CSMD3: variants seen among roughly 807,000 people sequenced by gnomAD.
CSMD3 encodes CUB and Sushi multiple domains 3, also known as CUB and sushi domain-containing protein 3.
A neutral mutation model predicts 435.2 loss-of-function variants in CSMD3; 177 were observed. That is an observed-to-expected ratio of 0.41 (90% CI 0.36 to 0.46). The LOEUF (loss-of-function observed/expected upper bound fraction) is 0.46. CSMD3 is among the 20% of genes least tolerant of loss of function. The pLI is 0.34. For missense variants in CSMD3, 4,265 were observed against 4,504.6 expected, an observed-to-expected ratio of 0.95 and a Z score of 1.52; for synonymous variants, 1,656 against 1,520.5, an observed-to-expected ratio of 1.09 and a Z score of -2.07.
chr8:112,370,020 A>G (rs868162854), intron 38 of CSMD3, among the ~76,000 whole-genome samples: 21 of 98,912 alleles, frequency 2.1e-4, no homozygotes, highest in Admixed American at 4.5e-4. Context: ...AGGAAGAAGA[A>G]GAGGAAGAAG....
chr8:112,714,752 AACTCAGGATTATGAAAC>A (rs2076686329), intron 13 of CSMD3, among the ~76,000 whole-genome samples: 2 of 152,228 alleles, frequency 1.3e-5, no homozygotes, highest in South Asian at 4.1e-4. Flanking sequence ...ATCAAATTAG[AACTCAGGATTATGAAAC>A]ACTCAAAACC....
Position 113,289,243 on chromosome 8 carries a change from A to G in CSMD3, c.402-10539T>C, listed in dbSNP as rs564025333. On this transcript the variant is annotated intron_variant, in intron 2 of 70. Coordinates refer to ENST00000297405, the MANE Select transcript of CSMD3 (RefSeq NM_198123.2). ...ACTCTTGAGAAAGATGACAGATCTG[A>G]GAATTAGAGAATTCTTTCACACACC... Among the ~76,000 whole-genome samples the G allele has an allele frequency of 4.6e-5, 7 of 151,992 alleles. No individual in the cohort carries two copies. In the South Asian group the frequency reaches 1.5e-3, roughly 31 times the overall value.
chr8:112,463,513 C>A lies in CSMD3; in HGVS notation c.5395+9078G>T, dbSNP rs188630788. On this transcript the variant is annotated intron_variant, in intron 32 of 70. Coordinates refer to ENST00000297405, the MANE Select transcript of CSMD3 (RefSeq NM_198123.2). The stretch of plus-strand genomic sequence containing the variant: ...ACTGGCTCTGCTGTCTGCTGGCAAA[C>A]TTGCACTTAGAGCTATGCTGCTTTG... Among the ~76,000 whole-genome samples, 6 of 152,306 alleles carry A rather than the reference C, an allele frequency of 3.9e-5. No individual in the cohort carries two copies. The East Asian group carries it at 9.7e-4, about 25-fold the overall frequency.
chr8:113,080,427 G>A (rs989264184), intron 5 of CSMD3, among the ~76,000 whole-genome samples: 1 of 152,090 alleles, frequency 6.6e-6, no homozygotes, highest in African/African-American at 2.4e-5. Context: ...GCCTACCACA[G>A]ACGAAGCACT....
intron 1 of CSMD3, among the ~76,000 whole-genome samples, chr8:113,413,115 T>C (rs2094566761): frequency 6.6e-6 from 1 of 152,152 alleles, no homozygotes; most frequent in African/African-American, 2.4e-5. Flanking sequence ...ACTTTCAGTT[T>C]AGAAATTAAG....
At chr8:113,323,438 T>C (rs1265455716) in intron 1 of CSMD3, among the ~76,000 whole-genome samples, 1 of 152,172 alleles carries the variant, frequency 6.6e-6, no homozygotes, top group Admixed American at 6.5e-5. Flanking sequence ...CCTCAATATA[T>C]TTGCAGCTCC....
chr8:112,241,601 A>G, intron 66 of CSMD3, 119 bp downstream of exon 66: 1 of 711,236 alleles, frequency 1.4e-6, no homozygotes, highest in Non-Finnish European at 2.5e-6. Context: ...ATCAAATTCA[A>G]GACAGTCATA....
intron 3 of CSMD3, among the ~76,000 whole-genome samples, chr8:113,190,377 T>C (rs189156144): frequency 5.0e-4 from 76 of 151,960 alleles, no homozygotes; most frequent in African/African-American, 1.8e-3. Context: ...GGAAGGGTAG[T>C]GGAAAGTCTG....
At chr8:112,720,228 G>T (rs1400221143) in intron 13 of CSMD3, among the ~76,000 whole-genome samples, 1 of 152,104 alleles carries the variant, frequency 6.6e-6, no homozygotes, top group Non-Finnish European at 1.5e-5. Flanking sequence ...TCTAGCATCT[G>T]CTCTTCTAAC....
rs1382530859 is a variant in CSMD3, at chr8:112,490,614, GT to G, written c.5278+1874del. Among the ~76,000 whole-genome samples the G allele has an allele frequency of 3.9e-5, 6 of 151,982 alleles. No individual in the cohort carries two copies. In the South Asian group the frequency reaches 1.2e-3, roughly 32 times the overall value. On this transcript the variant is annotated intron_variant, in intron 31 of 70. Coordinates refer to ENST00000297405, the MANE Select transcript of CSMD3 (RefSeq NM_198123.2). The stretch of plus-strand genomic sequence containing the variant: ...TTAACATCTATCTTAATAATCTATA[GT>G]TTTTTGTGTCCTTTGATATTTCTGC...
At chr8:112,622,726 C>G (rs963580210) in intron 22 of CSMD3, among the ~76,000 whole-genome samples, 1 of 152,064 alleles carries the variant, frequency 6.6e-6, no homozygotes, top group African/African-American at 2.4e-5. Flanking sequence ...GCTATTTAAG[C>G]AACTTCTGTG....
At chr8:113,125,719 G>A (rs1016387937) in intron 4 of CSMD3, among the ~76,000 whole-genome samples, 177 of 152,092 alleles carry the variant, frequency 1.2e-3, no homozygotes, top group African/African-American at 4.1e-3. Context: ...TAAAGACAAA[G>A]ACTGAGCATT....
intron 16 of CSMD3, among the ~76,000 whole-genome samples, chr8:112,673,993 C>T (rs550467591): frequency 6.6e-6 from 1 of 152,054 alleles, no homozygotes; most frequent in Middle Eastern, 3.4e-3. Context: ...CTCTTTCTCT[C>T]CTCAAAGAGC....
At chr8:112,597,619 T>A (rs1406733250) in intron 22 of CSMD3, among the ~76,000 whole-genome samples, 1 of 119,550 alleles carries the variant, frequency 8.4e-6, no homozygotes, top group East Asian at 2.2e-4. Flanking sequence ...AAATCCTCAA[T>A]AAAATACTGG....
intron 38 of CSMD3, among the ~76,000 whole-genome samples, chr8:112,357,785 T>C (rs1826778346): frequency 6.6e-6 from 1 of 152,178 alleles, no homozygotes; most frequent in Admixed American, 6.5e-5. Flanking sequence ...TAGAAATGCC[T>C]GGATTTCCAG....
At chr8:112,568,538 C>T (rs1212018315) in intron 24 of CSMD3, among the ~76,000 whole-genome samples, 1 of 149,696 alleles carries the variant, frequency 6.7e-6, no homozygotes, top group Non-Finnish European at 1.5e-5. Context: ...GAGATTCCAG[C>T]CTGGGCGACA....
chr8:113,199,161 T>G (rs1342448569), intron 3 of CSMD3, among the ~76,000 whole-genome samples: 1 of 150,920 alleles, frequency 6.6e-6, no homozygotes, highest in African/African-American at 2.4e-5. Flanking sequence ...GACGGTTCAT[T>G]TATATTTTCT....
At chr8:113,082,410 A>G (rs1043612100) in intron 5 of CSMD3, among the ~76,000 whole-genome samples, 1 of 152,186 alleles carries the variant, frequency 6.6e-6, no homozygotes, top group African/African-American at 2.4e-5. Context: ...TCATACAAAG[A>G]TTATACAACT....
intron 23 of CSMD3, among the ~76,000 whole-genome samples, chr8:112,585,070 T>G (rs558000309): frequency 2.6e-5 from 4 of 151,742 alleles, no homozygotes; most frequent in Admixed American, 1.3e-4. Context: ...GAGGTAACAT[T>G]AAGCATCTTA....
Sources: gnomAD v4.1 joint callset for allele counts (sites outside exome capture counted in the v4.1 genomes callset) on GRCh38, gnomAD v4.1.1 for gene constraint, MANE v1.5 for transcripts, NCBI Gene and HGNC (gene_info 2026-07-23, HGNC 2026-07-21) for gene names.